NCK1: variants seen among roughly 807,000 people sequenced by gnomAD.
NCK1 encodes SH2/SH3 adapter protein NCK1.
Under a neutral mutation model 36.6 loss-of-function variants are expected in NCK1, and 19 were observed. The observed-to-expected ratio is 0.52, with a 90% CI of 0.36 to 0.76. The LOEUF (loss-of-function observed/expected upper bound fraction) is 0.76, where lower values mean the gene tolerates loss of function less well. Among genes scored for constraint, NCK1 ranks in the 30% least tolerant of loss-of-function variants. NCK1 has a pLI of 0.00. For synonymous variants in NCK1, 165 were observed against 156.0 expected (o/e 1.06, Z -0.43); for missense variants, 358 against 445.6 (o/e 0.80, Z 1.77).
chr3:136,916,843 A>G (rs554889809), intron 1 of NCK1, among the ~76,000 whole-genome samples: 2 of 152,316 alleles, frequency 1.3e-5, no homozygotes, highest in Admixed American at 6.5e-5. Flanking sequence ...TTTTGTAGAT[A>G]AGGAAATGGA....
intron 1 of NCK1, among the ~76,000 whole-genome samples, chr3:136,925,152 T>C (rs1026579867): frequency 2.0e-5 from 3 of 152,292 alleles, no homozygotes; most frequent in African/African-American, 7.2e-5. Context: ...ACCAGTAATG[T>C]AGTAGAATGC....
chr3:136,936,038 CTTTT>C (rs35254283), intron 2 of NCK1, among the ~76,000 whole-genome samples: 3 of 128,230 alleles, frequency 2.3e-5, no homozygotes, highest in African/African-American at 5.8e-5. Flanking sequence ...GTCTAAATAA[CTTTT>C]TTTTTTTTTT....
chr3:136,902,141 T>C (rs536558806), intron 1 of NCK1, among the ~76,000 whole-genome samples: 1 of 152,156 alleles, frequency 6.6e-6, no homozygotes, highest in African/African-American at 2.4e-5. Flanking sequence ...GTTGTTTAAC[T>C]TCTGTGTATT....
chr3:136,913,650 T>C (rs1233025222), intron 1 of NCK1, among the ~76,000 whole-genome samples: 1 of 151,868 alleles, frequency 6.6e-6, no homozygotes, highest in Admixed American at 6.6e-5. Flanking sequence ...GTGATTTTCT[T>C]TTGTTTTGTT....
intron 1 of NCK1, among the ~76,000 whole-genome samples, chr3:136,887,666 G>A (rs1161448272): frequency 6.6e-6 from 1 of 152,158 alleles, no homozygotes; most frequent in African/African-American, 2.4e-5. Flanking sequence ...TTGAATTTAT[G>A]TTTCCATAAA....
At chr3:136,903,080 A>C (rs927008462) in intron 1 of NCK1, among the ~76,000 whole-genome samples, 2 of 152,206 alleles carry the variant, frequency 1.3e-5, no homozygotes, top group African/African-American at 2.4e-5. Flanking sequence ...AGTGGAATCT[A>C]TCTCTCCTTA....
intron 1 of NCK1, among the ~76,000 whole-genome samples, chr3:136,891,670 C>G (rs1254419451): frequency 6.6e-6 from 1 of 152,146 alleles, no homozygotes; most frequent in Non-Finnish European, 1.5e-5. Flanking sequence ...CACAAGGGTT[C>G]TAATTTTCTA....
chr3:136,928,378 G>C (rs1940301123), intron 2 of NCK1, 151 bp downstream of exon 2: 6 of 675,242 alleles, frequency 8.9e-6, no homozygotes, highest in Non-Finnish European at 1.2e-5. Flanking sequence ...CAACCCAGAA[G>C]ACCAGTGAAG....
In NCK1 at chr3:136,922,723, T is replaced by C. The variant is rs1437024461; in HGVS notation, c.-18-5261T>C. ...GGCTGTGGGGAAATAATCACTGATA[T>C]ATTGTTAGGAGTTTTTAAAAATAGT... is the stretch of plus-strand genomic sequence containing the variant. On this transcript the variant is annotated intron_variant, in intron 1 of 3. Coordinates refer to ENST00000481752, the MANE Select transcript of NCK1 (RefSeq NM_001291999.2). 2.6e-5 allele frequency among the ~76,000 whole-genome samples: 4 copies of C among 152,224 alleles called. 1 individual carries two copies. The highest frequency in any genetic ancestry group is 4.1e-4 in the South Asian group (2 of 4,838).
intron 1 of NCK1, among the ~76,000 whole-genome samples, chr3:136,913,487 A>G (rs1939880591): frequency 6.6e-6 from 1 of 151,914 alleles, no homozygotes; most frequent in Admixed American, 6.6e-5. Context: ...AAGCTTGTCT[A>G]GAACTCCTAG....
At chr3:136,871,990 G>A (rs568646107) in intron 1 of NCK1, among the ~76,000 whole-genome samples, 5 of 152,142 alleles carry the variant, frequency 3.3e-5, no homozygotes, top group Non-Finnish European at 7.3e-5. Context: ...CCAGTCTCAG[G>A]TATGTCTTTA....
At chr3:136,902,220 C>T (rs1939564086) in intron 1 of NCK1, among the ~76,000 whole-genome samples, 1 of 112,042 alleles carries the variant, frequency 8.9e-6, no homozygotes, top group Non-Finnish European at 1.9e-5. Context: ...TTTTTTGAGA[C>T]AGAGTTTTGC....
At chr3:136,941,157 A>G in intron 2 of NCK1, among the ~76,000 whole-genome samples, 1 of 116,712 alleles carries the variant, frequency 8.6e-6, no homozygotes, top group African/African-American at 3.4e-5. Context: ...TCAGGGTCTC[A>G]CTCTGTCACC....
intron 1 of NCK1, among the ~76,000 whole-genome samples, chr3:136,908,774 G>A (rs913806481): frequency 6.6e-6 from 1 of 152,176 alleles, no homozygotes; most frequent in African/African-American, 2.4e-5. Flanking sequence ...ACAGCTAATG[G>A]TTTCTGCATG....
intron 1 of NCK1, among the ~76,000 whole-genome samples, chr3:136,867,878 T>C (rs1393942543): frequency 6.6e-6 from 1 of 151,954 alleles, no homozygotes; most frequent in African/African-American, 2.4e-5. Flanking sequence ...TTCTCATAGA[T>C]TGAAAACTTC....
chr3:136,878,289 A>AT lies in NCK1; in HGVS notation c.-19+15937dup, dbSNP rs532726337. On this transcript the variant is annotated intron_variant, in intron 1 of 3. Coordinates refer to ENST00000481752, the MANE Select transcript of NCK1 (RefSeq NM_001291999.2). ...CCGGATGTGGTGGCAGGCACCTATA[A>AT]TCCCAGTTACATGGGAGGCTGAAGC... 1.9e-3 allele frequency among the ~76,000 whole-genome samples: 288 copies of AT among 152,168 alleles called. 1 individual carries two copies. Among genetic ancestry groups the AT allele is most frequent in the African/African-American group, 6.6e-3 (273 of 41,536 alleles).
rs554671158 is a variant in NCK1 at position 136,949,822 on chromosome 3, A to C, written c.*1369A>C. ...GCCAGAATTACTGATGGTAAAATTG[A>C]AGTTGTGTAACTTGTGAATTTTTTT... On this transcript the variant is annotated 3_prime_UTR_variant, in exon 4 of 4. Coordinates refer to ENST00000481752, the MANE Select transcript of NCK1 (RefSeq NM_001291999.2). 1 of 137,412 alleles carries C rather than the reference A, an allele frequency of 7.3e-6. No homozygotes were observed. The highest frequency in any genetic ancestry group is 7.8e-5 in the Admixed American group (1 of 12,742). 8.5% of individuals were successfully genotyped at this position (137,412 alleles called of 1,614,324 possible).
intron 1 of NCK1, among the ~76,000 whole-genome samples, chr3:136,870,013 G>A (rs1938560096): frequency 2.7e-5 from 4 of 145,882 alleles, no homozygotes. Context: ...TTAAAAGAAT[G>A]GATGTTTCTC....
At chr3:136,882,547 CTGTG>C (rs35463509) in intron 1 of NCK1, among the ~76,000 whole-genome samples, 3,322 of 143,348 alleles carry the variant, frequency 0.023, 65 homozygotes, top group African/African-American at 0.055. Context: ...TCCCACATCA[CTGTG>C]TGTGTGTGTG....
Sources: allele counts gnomAD v4.1 joint callset (sites outside exome capture counted in the v4.1 genomes callset), GRCh38; gene constraint gnomAD v4.1.1; transcripts MANE v1.5; gene names NCBI Gene and HGNC (gene_info 2026-07-23, HGNC 2026-07-21).